The following CRYGN variants were observed in gnomAD, a reference collection of about 807,000 sequenced individuals.
CRYGN encodes the protein crystallin gamma N.
Under a neutral mutation model 19.2 loss-of-function variants are expected in CRYGN, and 17 were observed. The ratio of observed to expected loss-of-function variants is 0.89; its 90% CI spans 0.61 to 1.33. The LOEUF is 1.33. Ranked by LOEUF, CRYGN falls within the 40% of genes most tolerant of loss-of-function variation. The pLI, the probability that CRYGN is intolerant of heterozygous loss-of-function variation, is 0.00. For synonymous variants in CRYGN, 84 were observed against 85.8 expected, an observed-to-expected ratio of 0.98 and a Z score of 0.12; for missense variants, 239 against 239.6, an observed-to-expected ratio of 1.00 and a Z score of 0.02.
chr7:151,429,704 C>T lies in CRYGN; in HGVS notation c.*344G>A, dbSNP rs111968470. 23 of 342,184 alleles carry T rather than the reference C, an allele frequency of 6.7e-5. No individual in the cohort carries two copies. The highest frequency in any genetic ancestry group is 4.8e-4 in the African/African-American group (23 of 47,808). 21.2% of individuals were successfully genotyped at this position (342,184 alleles called of 1,614,324 possible). On this transcript the variant is annotated 3_prime_UTR_variant, in exon 4 of 4. Transcript: ENST00000337323. ...TATGATAAGTAAAATTACACAGATT[C>T]CAGCTACTACAGAGCCTGGCATTAA... is the stretch of plus-strand genomic sequence containing the variant.
rs562183520 is a variant in CRYGN, at chr7:151,433,207, C to T, written c.416+2973G>A. On this transcript the variant is annotated intron_variant, in intron 3 of 3. Coordinates refer to ENST00000337323, the MANE Select transcript of CRYGN (RefSeq NM_144727.3). This position sits in a 1 kb window ranked among gnomAD's most constrained non-coding sequence, Gnocchi z 5.1. ...AGTCTTTACAGAGCCTGGAGGACCT[C>T]GGGCTGGTGGGGGCAGGAGAGAACA... Among the ~76,000 whole-genome samples the T allele has an allele frequency of 7.9e-5, 12 of 152,290 alleles. No individual in the cohort carries two copies. The highest frequency in any genetic ancestry group is 4.6e-4 in the Admixed American group (7 of 15,296).
In CRYGN at chr7:151,430,262, G is replaced by A. The variant is rs1030992046; in HGVS notation, c.417-82C>T. 29 of 1,357,512 alleles carry A rather than the reference G, an allele frequency of 2.1e-5. No individual in the cohort carries two copies. Among genetic ancestry groups the A allele is most frequent in the Non-Finnish European group, 2.7e-5 (26 of 969,974 alleles). 84.1% of individuals were successfully genotyped at this position (1,357,512 alleles called of 1,614,324 possible). On this transcript the variant is annotated intron_variant, in intron 3 of 3. Transcript: ENST00000337323. This position sits in a 1 kb window ranked among gnomAD's most constrained non-coding sequence, Gnocchi z 5.2. Reference sequence around the variant, plus strand: ...CTTTTGGGGACCCATCTACCACATGGCAGCAGGGAGCCCCTTCCCCTTTCC... The same window carrying A: ...CTTTTGGGGACCCATCTACCACATGACAGCAGGGAGCCCCTTCCCCTTTCC...
At position 151,436,517 on chromosome 7, in the gene CRYGN, C is replaced by T. The variant is rs1205142103; in HGVS notation, c.271-192G>A. Among the ~76,000 whole-genome samples the T allele has an allele frequency of 3.3e-5, 5 of 152,154 alleles. No homozygotes were observed. On this transcript the variant is annotated intron_variant, in intron 2 of 3. Transcript: ENST00000337323. The surrounding 1 kb of genome is among the most constrained non-coding windows in gnomAD (Gnocchi z 5.1). The stretch of plus-strand genomic sequence containing the variant: ...GTGGTTGGAAGAAAGGGTTCTATTA[C>T]TCTGAAAATGTTCCAAGCCACTGAG...
At chr7:151,432,111 C>T in intron 3 of CRYGN, 3 of 1,088,526 alleles carry the variant, frequency 2.8e-6, no homozygotes, top group Non-Finnish European at 3.5e-6. Flanking sequence ...TGCCCCTGTC[C>T]CCAGAGCTGC....
intron 1 of CRYGN, among the ~76,000 whole-genome samples, chr7:151,439,634 G>A (rs1011597301): frequency 6.6e-6 from 1 of 152,136 alleles, no homozygotes; most frequent in Non-Finnish European, 1.5e-5. Context: ...GAAGCCCCAG[G>A]GAGTCTGAAC....
chr7:151,434,357 G>A (rs1408802413), intron 3 of CRYGN, among the ~76,000 whole-genome samples: 1 of 152,156 alleles, frequency 6.6e-6, no homozygotes, highest in Non-Finnish European at 1.5e-5. Flanking sequence ...CATCCTCCAC[G>A]CAAAGGCATG....
chr7:151,432,198 G>A (rs1015567559), intron 3 of CRYGN: 40 of 1,232,162 alleles, frequency 3.2e-5, no homozygotes, highest in Non-Finnish European at 4.0e-5. Context: ...GTGCGCTGTG[G>A]GCCTCCCAGT....
At chr7:151,437,326 C>G (rs1028436923) in intron 2 of CRYGN, among the ~76,000 whole-genome samples, 1 of 152,146 alleles carries the variant, frequency 6.6e-6, no homozygotes, top group East Asian at 1.9e-4. Flanking sequence ...CTCAGGAGTC[C>G]GCCACTCCCC....
Position 151,429,977 on chromosome 7 carries a change from A to G in CRYGN, c.*71T>C. 1.3e-6 allele frequency: 1 copy of G among 783,992 alleles called. No individual in the cohort carries two copies. Among genetic ancestry groups the G allele is most frequent in the African/African-American group, 1.7e-5 (1 of 59,200 alleles). 48.6% of individuals were successfully genotyped at this position (783,992 alleles called of 1,614,324 possible). ...TGGCAGAGAAATGAAAACTGAGGGC[A>G]TGATTTTAAGTAAACACTCTCCCGG... On this transcript the variant is annotated 3_prime_UTR_variant, in exon 4 of 4. Coordinates refer to ENST00000337323, the MANE Select transcript of CRYGN (RefSeq NM_144727.3).
intron 1 of CRYGN, 88 bp from the exon 2 acceptor site, chr7:151,438,332 G>A: frequency 7.2e-7 from 1 of 1,380,186 alleles, no homozygotes; most frequent in Non-Finnish European, 9.8e-7. Flanking sequence ...CACCCTGGAT[G>A]GAACCCCTAC....
chr7:151,433,261 G>A lies in CRYGN; in HGVS notation c.416+2919C>T, dbSNP rs1801514518. 6.6e-6 allele frequency among the ~76,000 whole-genome samples: 1 copy of A among 152,224 alleles called. No homozygotes were observed. The highest frequency in any genetic ancestry group is 2.4e-5 in the African/African-American group (1 of 41,454). The stretch of plus-strand genomic sequence containing the variant: ...CTCTTCATCACCCAGGAAGCTGTGG[G>A]CCCGGCCCAGAAAAGCAGGAAGGTG... On this transcript the variant is annotated intron_variant, in intron 3 of 3. Transcript: ENST00000337323. This position sits in a 1 kb window ranked among gnomAD's most constrained non-coding sequence, Gnocchi z 5.1.
chr7:151,438,119 C>T lies in CRYGN; in HGVS notation c.147G>A (p.Trp49Ter). The change falls in exon 2 of 4, where the codon TGG becomes TGA. Residue 49 changes from tryptophan (W) to a stop codon, truncating the protein, a stop_gained. Coordinates refer to ENST00000337323, the MANE Select transcript of CRYGN (RefSeq NM_144727.3). LOFTEE classifies it high-confidence loss of function. ...VNSIHVESGA[W>*]VCFNHPDFRG... is the part of the protein sequence containing the mutation. ...GGAAGTCGGGGTGATTGAAGCAGACCCAGGCTCCGCTCTCCACGTGGATGG... is the reference window on the plus strand; with the variant it reads ...GGAAGTCGGGGTGATTGAAGCAGACTCAGGCTCCGCTCTCCACGTGGATGG... 6.2e-7 allele frequency: 1 copy of T among 1,614,152 alleles called. No individual in the cohort carries two copies. Among genetic ancestry groups the T allele is most frequent in the South Asian group, 1.1e-5 (1 of 91,078 alleles).
At chr7:151,432,815 C>T (rs931359113) in intron 3 of CRYGN, among the ~76,000 whole-genome samples, 2 of 152,146 alleles carry the variant, frequency 1.3e-5, no homozygotes, top group Non-Finnish European at 2.9e-5. Context: ...TCACTGCACG[C>T]CCCACACACT....
At position 151,429,915 on chromosome 7, in the gene CRYGN, G is replaced by C. The variant is rs1267161856; in HGVS notation, c.*133C>G. The C allele has an allele frequency of 1.4e-6, 1 of 711,220 alleles. No individual in the cohort carries two copies. Among genetic ancestry groups the C allele is most frequent in the Non-Finnish European group, 2.6e-6 (1 of 384,302 alleles). The allele number at this position is 711,220 out of a possible 1,614,324, so 44.1% of individuals were successfully genotyped here. The stretch of plus-strand genomic sequence containing the variant: ...GGGTGGGGAGGGCCTCCCGCTGGCA[G>C]ATATGACACACAGAAGGCTCCACCT... On this transcript the variant is annotated 3_prime_UTR_variant, in exon 4 of 4. Coordinates refer to ENST00000337323, the MANE Select transcript of CRYGN (RefSeq NM_144727.3).
intron 2 of CRYGN, among the ~76,000 whole-genome samples, chr7:151,437,286 G>T (rs540758393): frequency 6.6e-6 from 1 of 152,128 alleles, no homozygotes; most frequent in Admixed American, 6.5e-5. Flanking sequence ...TAAGCGAGAC[G>T]CTCTGTGATG....
At chr7:151,432,253 C>A (rs1206159264) in intron 3 of CRYGN, 581 of 1,232,078 alleles carry the variant, frequency 4.7e-4, no homozygotes, top group Non-Finnish European at 5.5e-4. Flanking sequence ...GTACATGCGG[C>A]CGTGGTAGTT....
chr7:151,432,339 C>A, intron 3 of CRYGN: 1 of 1,068,622 alleles, frequency 9.4e-7, no homozygotes, highest in Non-Finnish European at 1.2e-6. Context: ...CCCGGGACTC[C>A]GGAGAGAAAA....
In CRYGN at chr7:151,433,553, G is replaced by A. The variant is rs1801522567; in HGVS notation, c.416+2627C>T. ...TGAGCCAGCCTGGAGCACCTGCTGG[G>A]GGACTCAGGGCAGGCCTGGTCCAGC... On this transcript the variant is annotated intron_variant, in intron 3 of 3. Coordinates refer to ENST00000337323, the MANE Select transcript of CRYGN (RefSeq NM_144727.3). The surrounding 1 kb of genome is among the most constrained non-coding windows in gnomAD (Gnocchi z 5.1). 6.4e-6 allele frequency: 1 copy of A among 155,256 alleles called. No homozygotes were observed. The highest frequency in any genetic ancestry group is 2.4e-5 in the African/African-American group (1 of 41,642). 9.6% of individuals were successfully genotyped at this position (155,256 alleles called of 1,614,324 possible).
At position 151,430,254 on chromosome 7, in the gene CRYGN, AC is replaced by A; in HGVS notation, c.417-75del. 2 of 1,452,664 alleles carry A rather than the reference AC, an allele frequency of 1.4e-6. No homozygotes were observed. Among genetic ancestry groups the A allele is most frequent in the Non-Finnish European group, 1.9e-6 (2 of 1,048,138 alleles). 90.0% of individuals were successfully genotyped at this position (1,452,664 alleles called of 1,614,324 possible). On this transcript the variant is annotated intron_variant, in intron 3 of 3. Transcript: ENST00000337323. The surrounding 1 kb of genome is among the most constrained non-coding windows in gnomAD (Gnocchi z 5.2). ...GAGCAGGCCTTTTGGGGACCCATCT[AC>A]CACATGGCAGCAGGGAGCCCCTTCC... is the stretch of plus-strand genomic sequence containing the variant.
Sources: gnomAD v4.1 joint callset for allele counts (sites outside exome capture counted in the v4.1 genomes callset) on GRCh38, gnomAD v4.1.1 for gene constraint, Gnocchi (gnomAD v3.1) non-coding constraint, MANE v1.5 for transcripts, NCBI Gene and HGNC (gene_info 2026-07-23, HGNC 2026-07-21) for gene names.